The following CWF19L2 variants were observed in gnomAD, a reference collection of about 807,000 sequenced individuals.
The protein encoded by CWF19L2 is CWF19 like cell cycle control factor 2.
CWF19L2 carries 98 observed loss-of-function variants against 111.7 expected under a neutral mutation model. That is an observed-to-expected ratio of 0.88 (90% CI 0.75 to 1.04). The LOEUF (loss-of-function observed/expected upper bound fraction) is 1.04, where lower values mean the gene tolerates loss of function less well. Ranked by LOEUF, CWF19L2 falls within the 50% of genes least tolerant of loss-of-function variation. CWF19L2 has a pLI of 0.00. For synonymous variants in CWF19L2, 351 were observed against 342.9 expected (o/e 1.02, Z -0.26); for missense variants, 1,101 against 1,051.4 (o/e 1.05, Z -0.65).
At chr11:107,431,527 AAG>A (rs1426898918) in intron 7 of CWF19L2, among the ~76,000 whole-genome samples, 1 of 151,996 alleles carries the variant, frequency 6.6e-6, no homozygotes, top group African/African-American at 2.4e-5. Context: ...AAACTCCAAA[AAG>A]AGTCGTAAAT....
chr11:107,403,666 T>C, intron 10 of CWF19L2: 1 of 778,200 alleles, frequency 1.3e-6, no homozygotes. Context: ...TTGGTGCTTG[T>C]TCTTCCTCAG....
intron 10 of CWF19L2, among the ~76,000 whole-genome samples, chr11:107,401,235 G>T (rs1301818323): frequency 6.6e-6 from 1 of 152,130 alleles, no homozygotes; most frequent in Non-Finnish European, 1.5e-5. Flanking sequence ...ACAAGAGAAA[G>T]AAACAAAGGG....
At chr11:107,393,263 A>C (rs1860875117) in intron 10 of CWF19L2, among the ~76,000 whole-genome samples, 1 of 152,170 alleles carries the variant, frequency 6.6e-6, no homozygotes, top group African/African-American at 2.4e-5. Flanking sequence ...TCTGATTATA[A>C]GAAATAAAAC....
At chr11:107,402,593 T>C (rs1861016806) in intron 10 of CWF19L2, among the ~76,000 whole-genome samples, 1 of 151,882 alleles carries the variant, frequency 6.6e-6, no homozygotes, top group Admixed American at 6.6e-5. Flanking sequence ...GATGTCAGCG[T>C]GGATGCGGTG....
intron 2 of CWF19L2, 99 bp downstream of exon 2, chr11:107,455,567 T>C: frequency 1.5e-6 from 1 of 665,510 alleles, no homozygotes; most frequent in South Asian, 2.4e-5. Flanking sequence ...ATTTTGTAAC[T>C]TATGAAAACA....
At chr11:107,410,199 C>T (rs756972565) in intron 10 of CWF19L2, among the ~76,000 whole-genome samples, 3 of 151,888 alleles carry the variant, frequency 2.0e-5, no homozygotes, top group Non-Finnish European at 4.4e-5. Context: ...GCAAAATTTC[C>T]ATCAGAAGTA....
At chr11:107,413,037 T>C (rs1475168739) in intron 10 of CWF19L2, among the ~76,000 whole-genome samples, 1 of 152,206 alleles carries the variant, frequency 6.6e-6, no homozygotes, top group Non-Finnish European at 1.5e-5. Context: ...TGTATGATAC[T>C]ACAATGGTGG....
rs890815953 is a variant in CWF19L2, at chr11:107,368,489, C to T, written c.1873-14753G>A. 4.4e-5 allele frequency among the ~76,000 whole-genome samples: 6 copies of T among 137,808 alleles called. 2 individuals are homozygous for T. Among genetic ancestry groups the T allele is most frequent in the African/African-American group, 1.7e-4 (6 of 34,590 alleles). 90.4% of individuals were successfully genotyped at this position (137,808 alleles called of 152,430 possible). A position where few individuals can be genotyped will look rare whatever the true frequency, so the allele number is the denominator to read the frequency against. On this transcript the variant is annotated intron_variant, in intron 12 of 17. Transcript: ENST00000282251. ...TTGAAAATTTGTCTGGCATACACAT[C>T]CACTTGCCGTCACAGTAACTACTAA...
chr11:107,408,727 T>C (rs1012933650), intron 10 of CWF19L2, among the ~76,000 whole-genome samples: 1 of 152,068 alleles, frequency 6.6e-6, no homozygotes, highest in Middle Eastern at 3.4e-3. Context: ...TCCATTGACC[T>C]TTTTTACTTG....
rs1861431695 is a variant in CWF19L2, at chr11:107,429,402, G to C, written c.830C>G (p.Ser277Cys). The C allele has an allele frequency of 6.4e-7, 1 of 1,574,700 alleles. No homozygotes were observed. The highest frequency in any genetic ancestry group is 8.6e-7 in the Non-Finnish European group (1 of 1,160,244). Residue 277 changes from serine to cysteine, a missense_variant, in exon 8 of 18, where the codon TCC becomes TGC. Ser to Cys is a moderately radical substitution (Grantham distance 112). Coordinates refer to ENST00000282251, the MANE Select transcript of CWF19L2 (RefSeq NM_152434.3). ...TTCCCGTCTATAATCTTCTTTCGTG[G>C]ATGCAGCTTTTTCAGCATCTTCTAA... ...SKLEDAEKAA[S>C]TKEDYRRERW... is the part of the protein sequence containing the mutation.
intron 3 of CWF19L2, among the ~76,000 whole-genome samples, chr11:107,451,821 G>A (rs658814): frequency 0.011 from 1,628 of 152,182 alleles, 10 homozygotes; most frequent in African/African-American, 0.019. Context: ...GGACCAAACC[G>A]TTTCACTGGC....
At chr11:107,449,981 A>G (rs1861755471) in intron 3 of CWF19L2, among the ~76,000 whole-genome samples, 1 of 152,138 alleles carries the variant, frequency 6.6e-6, no homozygotes, top group Admixed American at 6.5e-5. Flanking sequence ...AAAATTTAAA[A>G]GCCATAAACA....
chr11:107,450,101 GAA>G (rs555626019), intron 3 of CWF19L2, among the ~76,000 whole-genome samples: 5 of 119,568 alleles, frequency 4.2e-5, no homozygotes, highest in Non-Finnish European at 3.6e-5. Context: ...TCCATCTCAA[GAA>G]AAAAAAAAAA....
chr11:107,357,091 C>T (rs1185849101), intron 12 of CWF19L2, among the ~76,000 whole-genome samples: 1 of 149,100 alleles, frequency 6.7e-6, no homozygotes, highest in East Asian at 1.9e-4. Context: ...CCGAGACTAA[C>T]AGAAACTAAG....
At chr11:107,351,651 G>A (rs1447415590) in intron 13 of CWF19L2, among the ~76,000 whole-genome samples, 1 of 152,096 alleles carries the variant, frequency 6.6e-6, no homozygotes, top group Non-Finnish European at 1.5e-5. Flanking sequence ...TTGCATAAAG[G>A]CATCCAGTTA....
chr11:107,424,534 T>C (rs1861348215), intron 8 of CWF19L2, among the ~76,000 whole-genome samples: 1 of 151,676 alleles, frequency 6.6e-6, no homozygotes, highest in Non-Finnish European at 1.5e-5. Flanking sequence ...GTCATTTTAC[T>C]TTCCTCTTCC....
intron 13 of CWF19L2, among the ~76,000 whole-genome samples, chr11:107,353,226 T>C (rs1376032114): frequency 6.6e-6 from 1 of 152,172 alleles, no homozygotes; most frequent in African/African-American, 2.4e-5. Flanking sequence ...TTTTCCCCAG[T>C]GACTAATTAG....
intron 12 of CWF19L2, among the ~76,000 whole-genome samples, chr11:107,364,834 T>A (rs1860413576): frequency 1.6e-5 from 1 of 60,822 alleles, no homozygotes; most frequent in Non-Finnish European, 3.0e-5. Flanking sequence ...AGAGCAGAAC[T>A]GAAGGAAATA....
intron 10 of CWF19L2, chr11:107,404,019 G>A: frequency 1.3e-6 from 1 of 781,548 alleles, no homozygotes; most frequent in Non-Finnish European, 2.3e-6. Flanking sequence ...TCACTGAAGA[G>A]GTGATGGTTT....
Sources: allele counts gnomAD v4.1 joint callset (sites outside exome capture counted in the v4.1 genomes callset), GRCh38; gene constraint gnomAD v4.1.1; transcripts MANE v1.5; gene names NCBI Gene and HGNC (gene_info 2026-07-23, HGNC 2026-07-21).